The following KIAA0825 variants were observed in gnomAD, a reference collection of about 807,000 sequenced individuals.
KIAA0825 encodes the protein KIAA0825, also known as uncharacterized protein KIAA0825.
In KIAA0825, 119 loss-of-function variants were observed where a neutral mutation model predicts 147.6. That is an observed-to-expected ratio of 0.81 (90% CI 0.69 to 0.94). The LOEUF (loss-of-function observed/expected upper bound fraction) is 0.94. Ranked by LOEUF, KIAA0825 falls within the 40% of genes least tolerant of loss-of-function variation. The probability of loss-of-function intolerance (pLI) is 0.00; values close to 1 mark genes in which losing one functional copy is unlikely to be tolerated. For missense variants in KIAA0825, 1,381 were observed against 1,472.7 expected, an observed-to-expected ratio of 0.94 and a Z score of 1.02; for synonymous variants, 470 against 518.1, an observed-to-expected ratio of 0.91 and a Z score of 1.26.
At chr5:94,386,792 T>C (rs1486307730) in intron 18 of KIAA0825, among the ~76,000 whole-genome samples, 2 of 152,214 alleles carry the variant, frequency 1.3e-5, no homozygotes, top group Non-Finnish European at 2.9e-5. Context: ...ATCCATTCAT[T>C]AAGTGTAGTT....
Position 94,356,048 on chromosome 5 carries a change from C to A in KIAA0825, c.3710+28320G>T, listed in dbSNP as rs937566426. On this transcript the variant is annotated intron_variant, in intron 20 of 20. Transcript: ENST00000682413. ...TCTTGGGTGGGGCCCAAGATTCTGC[C>A]TTTCCAATGGAAGAAGCTCTGAGGG... Among the ~76,000 whole-genome samples the A allele has an allele frequency of 3.9e-5, 6 of 152,274 alleles. No homozygotes were observed. In the East Asian group the frequency reaches 7.7e-4, roughly 20 times the overall value.
chr5:94,305,453 C>T (rs1177377729), intron 20 of KIAA0825, among the ~76,000 whole-genome samples: 1 of 151,912 alleles, frequency 6.6e-6, no homozygotes, highest in Non-Finnish European at 1.5e-5. Flanking sequence ...AGAACCCCTC[C>T]ACCAAGTTTT....
Position 94,471,653 on chromosome 5 carries a change from T to C in KIAA0825, c.1534A>G (p.Ile512Val), listed in dbSNP as rs921048340. ...LACRDDSFQE[I>V]RANLVEACCK... Reference sequence around the variant, plus strand: ...CAGGCCTCCACCAAGTTTGCTCTAATTTCCTGAAAAGAATCATCTCTGCAT... The same window carrying C: ...CAGGCCTCCACCAAGTTTGCTCTAACTTCCTGAAAAGAATCATCTCTGCAT... Residue 512 changes from isoleucine (I) to valine (V), a missense_variant, in exon 9 of 21, where the codon ATT (isoleucine) becomes GTT (valine). Physicochemically the swap from Ile to Val is conservative, Grantham distance 29 (BLOSUM62 3). Coordinates refer to ENST00000682413, the MANE Select transcript of KIAA0825 (RefSeq NM_001145678.3). 30 of 1,552,094 alleles carry C rather than the reference T, an allele frequency of 1.9e-5. No homozygotes were observed. In the Middle Eastern group the frequency reaches 5.0e-4, roughly 26 times the overall value.
At chr5:94,304,651 C>T (rs1027162257) in intron 20 of KIAA0825, among the ~76,000 whole-genome samples, 1 of 151,842 alleles carries the variant, frequency 6.6e-6, no homozygotes. Flanking sequence ...CATTAAAGGA[C>T]CTCTGACAAC....
At chr5:94,421,244 CT>C in intron 14 of KIAA0825, among the ~76,000 whole-genome samples, 1 of 152,202 alleles carries the variant, frequency 6.6e-6, no homozygotes, top group African/African-American at 2.4e-5. Context: ...CTATGTTGGA[CT>C]AAAACTGTAT....
chr5:94,353,417 A>G (rs546155200), intron 20 of KIAA0825, among the ~76,000 whole-genome samples: 11 of 152,184 alleles, frequency 7.2e-5, no homozygotes, highest in Non-Finnish European at 1.5e-4. Flanking sequence ...TTTACTGTTA[A>G]TTTCATTAAC....
At chr5:94,253,687 A>G (rs1029550056) in intron 20 of KIAA0825, among the ~76,000 whole-genome samples, 1 of 152,064 alleles carries the variant, frequency 6.6e-6, no homozygotes, top group South Asian at 2.1e-4. Context: ...TCAACATCAT[A>G]TATTTTTGTT....
chr5:94,248,745 T>C (rs539860599), intron 20 of KIAA0825, among the ~76,000 whole-genome samples: 1 of 152,168 alleles, frequency 6.6e-6, no homozygotes. Flanking sequence ...CTGACAGCAG[T>C]GTGCACTGTG....
Position 94,611,560 on chromosome 5 carries a change from C to G in KIAA0825, c.-153+6940G>C, listed in dbSNP as rs1474366573. On this transcript the variant is annotated intron_variant, in intron 1 of 20. Coordinates refer to ENST00000682413, the MANE Select transcript of KIAA0825 (RefSeq NM_001145678.3). ...GGATCCTATGAAACTATATTTTTAC[C>G]TTTGTGGCTACAGAGGTATCTTTGG... Among the ~76,000 whole-genome samples the G allele has an allele frequency of 4.6e-5, 7 of 151,594 alleles. No homozygotes were observed. In the South Asian group the frequency reaches 1.0e-3, roughly 22 times the overall value.
intron 2 of KIAA0825, among the ~76,000 whole-genome samples, chr5:94,566,749 A>G (rs1441406005): frequency 6.6e-6 from 1 of 152,088 alleles, no homozygotes; most frequent in Non-Finnish European, 1.5e-5. Flanking sequence ...AATTGAGAAA[A>G]TACTCTCTCT....
chr5:94,188,373 G>A (rs981541345), intron 20 of KIAA0825, among the ~76,000 whole-genome samples: 6 of 152,166 alleles, frequency 3.9e-5, no homozygotes, highest in African/African-American at 1.4e-4. Context: ...TTGTGAGAAA[G>A]TTCTTTCTTA....
chr5:94,268,641 G>A (rs1475076310), intron 20 of KIAA0825, among the ~76,000 whole-genome samples: 2 of 152,118 alleles, frequency 1.3e-5, no homozygotes, highest in African/African-American at 2.4e-5. Flanking sequence ...TGTATTCTAT[G>A]AGAAAAGGAT....
intron 17 of KIAA0825, 56 bp downstream of exon 17, chr5:94,396,045 T>C: frequency 7.3e-7 from 1 of 1,372,078 alleles, no homozygotes. Flanking sequence ...TTATTGGTGA[T>C]TTTGTTATTG....
intron 1 of KIAA0825, among the ~76,000 whole-genome samples, chr5:94,611,140 G>A (rs1213009049): frequency 6.6e-6 from 1 of 151,944 alleles, no homozygotes; most frequent in African/African-American, 2.4e-5. Flanking sequence ...CACCCAACTG[G>A]AATAACTGTA....
At chr5:94,332,914 C>A (rs117788632) in intron 20 of KIAA0825, among the ~76,000 whole-genome samples, 1,655 of 152,220 alleles carry the variant, frequency 0.011, 22 homozygotes, top group East Asian at 0.08. Flanking sequence ...TGAAAACTGC[C>A]ATTCTAACTG....
chr5:94,477,234 C>T (rs1383285737), intron 6 of KIAA0825, 29 bp from the exon 7 acceptor site: 2 of 1,342,672 alleles, frequency 1.5e-6, no homozygotes, highest in Non-Finnish European at 2.1e-6. Flanking sequence ...AACAAACACA[C>T]TAATATATAT....
intron 1 of KIAA0825, among the ~76,000 whole-genome samples, chr5:94,605,419 G>T (rs747535528): frequency 3.3e-5 from 5 of 152,078 alleles, no homozygotes; most frequent in Non-Finnish European, 7.4e-5. Context: ...ATTCTATGAG[G>T]CCAGCATCAT....
chr5:94,494,314 CTTTTTTTTTTTT>C (rs530332272), intron 5 of KIAA0825, among the ~76,000 whole-genome samples: 2 of 111,872 alleles, frequency 1.8e-5, no homozygotes, highest in Non-Finnish European at 3.5e-5. Flanking sequence ...ATATTCAATC[CTTTTTTTTTTTT>C]TTTTTTTTTT....
At chr5:94,595,606 G>A (rs796493698) in intron 1 of KIAA0825, among the ~76,000 whole-genome samples, 6 of 152,250 alleles carry the variant, frequency 3.9e-5, no homozygotes, top group African/African-American at 9.6e-5. Context: ...TTGGCTCCTC[G>A]TTACTTACGC....
Sources: gnomAD v4.1 joint callset for allele counts (sites outside exome capture counted in the v4.1 genomes callset) on GRCh38, gnomAD v4.1.1 for gene constraint, MANE v1.5 for transcripts, NCBI Gene and HGNC (gene_info 2026-07-23, HGNC 2026-07-21) for gene names.